RAD51B: variants seen among roughly 807,000 people sequenced by gnomAD.
RAD51B encodes the protein RAD51 paralog B, also known as DNA repair protein RAD51 homolog 2.
RAD51B carries 38 observed loss-of-function variants against 42.2 expected under a neutral mutation model. The observed-to-expected ratio is 0.90, with a 90% CI of 0.70 to 1.18. RAD51B has a LOEUF of 1.18. RAD51B is among the 50% of genes most tolerant of loss of function. The probability of loss-of-function intolerance (pLI) is 0.00; values close to 1 mark genes in which losing one functional copy is unlikely to be tolerated. For synonymous variants in RAD51B, 154 were observed against 145.2 expected (o/e 1.06, Z -0.43); for missense variants, 373 against 400.7 (o/e 0.93, Z 0.59).
At chr14:68,541,083 A>G (rs1887939259) in intron 10 of RAD51B, 1 of 985,316 alleles carries the variant, frequency 1.0e-6, no homozygotes. Context: ...TTCATGGAGC[A>G]CAGAGAAGGA....
At chr14:68,644,040 C>T (rs1477216113) in intron 10 of RAD51B, among the ~76,000 whole-genome samples, 3 of 152,200 alleles carry the variant, frequency 2.0e-5, no homozygotes, top group Non-Finnish European at 2.9e-5. Context: ...CCACTTACTG[C>T]CTCCATTGTT....
At chr14:68,310,115 T>TAAA (rs2081939661) in intron 8 of RAD51B, among the ~76,000 whole-genome samples, 2 of 152,212 alleles carry the variant, frequency 1.3e-5, no homozygotes, top group African/African-American at 4.8e-5. Flanking sequence ...GCCTTAATAA[T>TAAA]AAACTGGTTT....
intron 7 of RAD51B, among the ~76,000 whole-genome samples, chr14:68,291,647 G>GA (rs1369077201): frequency 2.6e-5 from 4 of 152,180 alleles, no homozygotes; most frequent in African/African-American, 9.6e-5. Flanking sequence ...GTTTTACTCT[G>GA]AAAAAAGTCA....
chr14:67,977,525 A>G (rs577769928), intron 7 of RAD51B, among the ~76,000 whole-genome samples: 9 of 152,368 alleles, frequency 5.9e-5, no homozygotes, highest in African/African-American at 2.2e-4. Flanking sequence ...CAAGCAATTC[A>G]AGGTCTCTGA....
intron 2 of RAD51B, 80 bp from the exon 3 acceptor site, chr14:67,825,384 T>C (rs2040791939): frequency 2.3e-6 from 2 of 882,316 alleles, no homozygotes; most frequent in South Asian, 3.4e-5. Flanking sequence ...ACATAAGCAG[T>C]ATCAATTGAA....
intron 8 of RAD51B, among the ~76,000 whole-genome samples, chr14:68,390,471 A>G (rs1254162498): frequency 6.6e-6 from 1 of 152,236 alleles, no homozygotes; most frequent in Non-Finnish European, 1.5e-5. Flanking sequence ...GTGTTCTGAC[A>G]TTGAGTTTAC....
intron 7 of RAD51B, among the ~76,000 whole-genome samples, chr14:68,248,701 G>T (rs999378808): frequency 1.4e-4 from 21 of 152,214 alleles, no homozygotes; most frequent in African/African-American, 5.1e-4. Flanking sequence ...AACCAACAAG[G>T]CCAATATTTT....
At chr14:67,896,955 A>G (rs2043441829) in intron 7 of RAD51B, among the ~76,000 whole-genome samples, 1 of 152,236 alleles carries the variant, frequency 6.6e-6, no homozygotes, top group Non-Finnish European at 1.5e-5. Context: ...TGTGTGGTCA[A>G]TTGATCTTTG....
intron 10 of RAD51B, among the ~76,000 whole-genome samples, chr14:68,631,391 C>A (rs1035515809): frequency 5.3e-5 from 8 of 152,164 alleles, no homozygotes; most frequent in African/African-American, 1.7e-4. Context: ...CTGCTTGCCC[C>A]TGGCATGGTG....
chr14:68,270,255 C>T (rs1191320441), intron 7 of RAD51B, among the ~76,000 whole-genome samples: 1 of 152,134 alleles, frequency 6.6e-6, no homozygotes, highest in Non-Finnish European at 1.5e-5. Flanking sequence ...TGTTTGTGAC[C>T]TGTAAGGAGC....
chr14:68,015,250 C>A (rs539585782), intron 7 of RAD51B, among the ~76,000 whole-genome samples: 4 of 152,294 alleles, frequency 2.6e-5, no homozygotes, highest in Non-Finnish European at 5.9e-5. Flanking sequence ...TTAAATCATT[C>A]TTTCATTCAC....
chr14:67,894,631 G>A (rs770898685), intron 7 of RAD51B, among the ~76,000 whole-genome samples: 10 of 152,138 alleles, frequency 6.6e-5, no homozygotes, highest in African/African-American at 1.2e-4. Context: ...CTTAAAATAT[G>A]TAAGTAGCTT....
At chr14:68,481,198 AT>A (rs1325669145), downstream of RAD51B, among the ~76,000 whole-genome samples, 2 of 151,866 alleles carry the variant, frequency 1.3e-5, no homozygotes, top group East Asian at 3.9e-4. Flanking sequence ...AAAATATATT[AT>A]TTTTCCTCCC....
chr14:68,171,062 G>A (rs2331648), intron 7 of RAD51B, among the ~76,000 whole-genome samples: 19,883 of 152,176 alleles, frequency 0.13, 1,677 homozygotes, highest in Admixed American at 0.21. Flanking sequence ...CCATCAAGTG[G>A]CCAAAGTCTT....
chr14:68,570,801 A>G (rs542759074), intron 10 of RAD51B, among the ~76,000 whole-genome samples: 1 of 152,112 alleles, frequency 6.6e-6, no homozygotes, highest in Non-Finnish European at 1.5e-5. Context: ...ATAATTTAAG[A>G]CACTGTGATC....
chr14:68,554,314 G>A lies in RAD51B; in HGVS notation c.1037-40171G>A, dbSNP rs147625107. Among the ~76,000 whole-genome samples the A allele has an allele frequency of 3.1e-3, 477 of 152,254 alleles. 4 individuals are homozygous for A. The highest frequency in any genetic ancestry group is 0.011 in the African/African-American group (448 of 41,544). On this transcript the variant is annotated intron_variant, in intron 10 of 10. Transcript: ENST00000487270. ...TCCTAAGCAAGACAATTAACCAAAC[G>A]AGCTAACAGGAAAAGCCAGTTCTTC...
intron 9 of RAD51B, among the ~76,000 whole-genome samples, chr14:68,426,811 C>T (rs1278875301): frequency 1.3e-5 from 2 of 151,450 alleles, no homozygotes; most frequent in East Asian, 2.2e-4. Flanking sequence ...AGAATGACCC[C>T]GAGGGGATTT....
At chr14:68,491,575 C>T (rs1428254383) in intron 10 of RAD51B, among the ~76,000 whole-genome samples, 1 of 152,162 alleles carries the variant, frequency 6.6e-6, no homozygotes, top group Non-Finnish European at 1.5e-5. Context: ...CACTGTGGAG[C>T]AGACAGCTCC....
chr14:68,569,726 C>T (rs1455734455), intron 10 of RAD51B, among the ~76,000 whole-genome samples: 2 of 152,178 alleles, frequency 1.3e-5, no homozygotes, highest in South Asian at 2.1e-4. Context: ...GGCTAGGAGC[C>T]GACAGCACCA....
Sources: allele counts gnomAD v4.1 joint callset (sites outside exome capture counted in the v4.1 genomes callset), GRCh38; gene constraint gnomAD v4.1.1; transcripts MANE v1.5; gene names NCBI Gene and HGNC (gene_info 2026-07-23, HGNC 2026-07-21).